The following KRT13 variants were observed in gnomAD, a reference collection of about 807,000 sequenced individuals.
KRT13 encodes keratin, type I cytoskeletal 13.
In KRT13, 27 loss-of-function variants were observed where a neutral mutation model predicts 40.6. That is an observed-to-expected ratio of 0.67 (90% CI 0.49 to 0.92). The LOEUF is 0.92. Among genes scored for constraint, KRT13 ranks in the 40% least tolerant of loss-of-function variants. The pLI is 0.00. For missense variants in KRT13, 605 were observed against 611.5 expected (o/e 0.99, Z 0.11); for synonymous variants, 266 against 240.3 (o/e 1.11, Z -0.99).
At position 41,501,329 on chromosome 17, in the gene KRT13, G is replaced by A. The variant is rs767777473; in HGVS notation, c.1304C>T (p.Thr435Met). 33 of 1,573,692 alleles carry A rather than the reference G, an allele frequency of 2.1e-5. No homozygotes were observed. The African/African-American group carries it at 2.8e-4, about 13-fold the overall frequency. Residue 435 changes from threonine to methionine, a missense_variant, in exon 8 of 8, where the codon ACG (threonine) becomes ATG (methionine). Thr to Met is a moderately conservative substitution (Grantham distance 81). Transcript: ENST00000246635. The stretch of plus-strand genomic sequence containing the variant: ...GGTGGTAACAGAGGCACTAGAAGTC[G>A]TGGTAACAGAGGTGCTACGGGGGCT... ...SVSPRSTSVTTTSSASVTTTS... is the reference protein window; with the variant it reads ...SVSPRSTSVTMTSSASVTTTS...
chr17:41,505,079 TC>T lies in KRT13; in HGVS notation c.471del (p.Thr158ProfsTer10). On this transcript the variant is annotated frameshift_variant, in exon 1 of 8. Transcript: ENST00000246635. LOFTEE classifies it high-confidence loss of function. ...ACCTTGTCCCGGAGCTCTTCAATGG[TC>T]TTGTAGTAGGGGCTGTAGTCCCGCT... ...SPERDYSPYY[K>X]TIEELRDKIL... is the part of the protein sequence containing the mutation. 1 of 1,614,144 alleles carries T rather than the reference TC, an allele frequency of 6.2e-7. No homozygotes were observed. Among genetic ancestry groups the T allele is most frequent in the Non-Finnish European group, 8.5e-7 (1 of 1,180,020 alleles).
intron 6 of KRT13, 113 bp from the exon 7 acceptor site, chr17:41,501,857 T>C: frequency 6.5e-7 from 1 of 1,547,226 alleles, no homozygotes; most frequent in Non-Finnish European, 8.7e-7. Flanking sequence ...GGCTGGACTC[T>C]AGTGCCTCCT....
intron 2 of KRT13, 61 bp downstream of exon 2, chr17:41,503,582 G>T: frequency 6.4e-7 from 1 of 1,561,164 alleles, no homozygotes; most frequent in Non-Finnish European, 8.8e-7. Context: ...GGTCAGATGA[G>T]CTTTTGTCTA....
rs1209142698 is a variant in KRT13 at position 41,502,790 on chromosome 17, ACCT to A, written c.917_919del (p.Glu306del). 6.2e-7 allele frequency: 1 copy of A among 1,613,854 alleles called. No homozygotes were observed. The highest frequency in any genetic ancestry group is 8.5e-7 in the Non-Finnish European group (1 of 1,179,976). On this transcript the variant is annotated inframe_deletion, in exon 5 of 8. Transcript: ENST00000246635. Reference sequence around the variant, plus strand: ...CTGAATCATGGCAGTGTTGGTAGACACCTCCTTGTTCAGCTCTGCACTCTGAAA... The same window carrying A: ...CTGAATCATGGCAGTGTTGGTAGACACCTTGTTCAGCTCTGCACTCTGAAA...
intron 3 of KRT13, 71 bp downstream of exon 3, chr17:41,503,216 A>G (rs1403150358): frequency 6.2e-7 from 1 of 1,606,486 alleles, no homozygotes; most frequent in African/African-American, 1.3e-5. Flanking sequence ...GACTGTGTCC[A>G]GTTGCAGGGG....
At position 41,505,540 on chromosome 17, in the gene KRT13, C is replaced by T. The variant is rs753767170; in HGVS notation, c.11G>A (p.Arg4His). The T allele has an allele frequency of 1.1e-5, 17 of 1,614,122 alleles. No individual in the cohort carries two copies. Among genetic ancestry groups the T allele is most frequent in the Middle Eastern group, 1.6e-4 (1 of 6,084 alleles). MSLRLQSSSASYGG... is the reference protein window; with the variant it reads MSLHLQSSSASYGG... ...ATAGCTGGCAGAGGAGCTCTGCAGG[C>T]GGAGGCTCATGGTGAGAGCAGGATT... The change falls in exon 1 of 8, where the codon CGC becomes CAC. Residue 4 changes from arginine to histidine, a missense_variant. Coordinates refer to ENST00000246635, the MANE Select transcript of KRT13 (RefSeq NM_153490.3).
rs147564962 is a variant in KRT13 at position 41,503,069 on chromosome 17, G to A, written c.765C>T (p.Val255=). The A allele has an allele frequency of 3.3e-4, 534 of 1,614,184 alleles. 1 individual carries two copies. The highest frequency in any genetic ancestry group is 1.6e-3 in the Middle Eastern group (10 of 6,062). Residue 255 remains valine, a synonymous_variant, in exon 4 of 8, where the codon GTC becomes GTT. Coordinates refer to ENST00000246635, the MANE Select transcript of KRT13 (RefSeq NM_153490.3). ...CATCCATCTCCACGTTGACCTGGCC[G>A]ACCACCTGGTTGCTAAATTCCTTCA... The part of the protein sequence containing the change: ...EEMKEFSNQV[V]GQVNVEMDAT...
At position 41,502,744 on chromosome 17, in the gene KRT13, C is replaced by T. The variant is rs761699251; in HGVS notation, c.966G>A (p.Thr322=). 9.3e-6 allele frequency: 15 copies of T among 1,614,192 alleles called. No homozygotes were observed. The South Asian group carries it at 1.3e-4, about 14-fold the overall frequency. The change falls in exon 5 of 8, where the codon ACG becomes ACA. Residue 322 remains threonine (T), a synonymous_variant. Coordinates refer to ENST00000246635, the MANE Select transcript of KRT13 (RefSeq NM_153490.3). ...AMIQTSKTEI[T]ELRRTLQGLE... ...GGCCTTGGAGCGTGCGCCTGAGCTCCGTGATCTCTGTCTTGCTGGTCTGAA... is the reference window on the plus strand; with the variant it reads ...GGCCTTGGAGCGTGCGCCTGAGCTCTGTGATCTCTGTCTTGCTGGTCTGAA...
At chr17:41,502,306 C>T (rs1904877736) in intron 6 of KRT13, 68 bp downstream of exon 6, 1 of 1,612,118 alleles carries the variant, frequency 6.2e-7, no homozygotes, top group Non-Finnish European at 8.5e-7. Context: ...ATCTCTAAGG[C>T]CCTGCCTGCT....
At chr17:41,502,293 T>C in intron 6 of KRT13, 81 bp downstream of exon 6, 1 of 1,611,674 alleles carries the variant, frequency 6.2e-7, no homozygotes, top group Admixed American at 1.7e-5. Flanking sequence ...CATGAGGGGG[T>C]GGATCTCTAA....
chr17:41,501,433 G>C, intron 7 of KRT13, 71 bp from the exon 8 acceptor site: 2 of 1,292,506 alleles, frequency 1.5e-6, no homozygotes, highest in Non-Finnish European at 2.2e-6. Flanking sequence ...GGCCCCCCTG[G>C]AGGGCTCACA....
rs755226206 is a variant in KRT13, at chr17:41,502,677, G to T, written c.1023+10C>A. On this transcript the variant is annotated intron_variant, in intron 5 of 7. Coordinates refer to ENST00000246635, the MANE Select transcript of KRT13 (RefSeq NM_153490.3). ...GGTGGTCGCCACCGGGCAGGAGGCT[G>T]CAGGCATACCATGCTCAGCTGGGAC... 99 of 1,613,660 alleles carry T rather than the reference G, an allele frequency of 6.1e-5. No homozygotes were observed. Among genetic ancestry groups the T allele is most frequent in the Non-Finnish European group, 8.2e-5 (97 of 1,180,050 alleles).
At position 41,505,322 on chromosome 17, in the gene KRT13, GGCCACCTCCATA is replaced by G. The variant is rs751153742; in HGVS notation, c.217_228del (p.Tyr73_Gly76del). 87 of 1,613,378 alleles carry G rather than the reference GGCCACCTCCATA, an allele frequency of 5.4e-5. No homozygotes were observed. In the Admixed American group the frequency reaches 1.1e-3, roughly 20 times the overall value. ...AAACCCCCACCAAAGCCACCTCCAA[GGCCACCTCCATA>G]GCCACCTCCAAGGCCACCTCCATAG... On this transcript the variant is annotated inframe_deletion, in exon 1 of 8. Transcript: ENST00000246635.
chr17:41,502,759 G>A lies in KRT13; in HGVS notation c.951C>T (p.Ser317=). 6.2e-7 allele frequency: 1 copy of A among 1,614,192 alleles called. No individual in the cohort carries two copies. The change falls in exon 5 of 8, where the codon AGC becomes AGT. Residue 317 remains serine, a synonymous_variant. Transcript: ENST00000246635. ...GCCTGAGCTCCGTGATCTCTGTCTT[G>A]CTGGTCTGAATCATGGCAGTGTTGG... ...VSTNTAMIQT[S]KTEITELRRT...
At position 41,501,312 on chromosome 17, in the gene KRT13, CAG is replaced by C. The variant is rs1271447066; in HGVS notation, c.1319_1320del (p.Ser440CysfsTer6). On this transcript the variant is annotated frameshift_variant, in exon 8 of 8. Coordinates refer to ENST00000246635, the MANE Select transcript of KRT13 (RefSeq NM_153490.3). LOFTEE classifies it low-confidence loss of function (END_TRUNC). ...CCAGAGGCATTAGAGGTGGTGGTAACAGAGGCACTAGAAGTCGTGGTAACAGA... is the reference window on the plus strand; with the variant it reads ...CCAGAGGCATTAGAGGTGGTGGTAACAGGCACTAGAAGTCGTGGTAACAGA... ...STSVTTTSSA[S>X]VTTTSNASGR... 2.5e-6 allele frequency: 4 copies of C among 1,576,922 alleles called. No homozygotes were observed. Among genetic ancestry groups the C allele is most frequent in the Non-Finnish European group, 2.6e-6 (3 of 1,161,384 alleles).
intron 6 of KRT13, 73 bp from the exon 7 acceptor site, chr17:41,501,817 A>G (rs1904862906): frequency 2.6e-6 from 4 of 1,556,808 alleles, no homozygotes; most frequent in Non-Finnish European, 3.5e-6. Flanking sequence ...CCTCTGGGGA[A>G]GTGCCTCGGC....
rs1905021620 is a variant in KRT13, at chr17:41,505,249, GT to G, written c.301del (p.Thr101LeufsTer34). 16 of 1,614,148 alleles carry G rather than the reference GT, an allele frequency of 9.9e-6. No individual in the cohort carries two copies. The highest frequency in any genetic ancestry group is 1.3e-5 in the Non-Finnish European group (15 of 1,180,034). On this transcript the variant is annotated frameshift_variant, in exon 1 of 8. Transcript: ENST00000246635. LOFTEE classifies it high-confidence loss of function. ...CTGCATGGTGATCTTCTCATTGCCA[GT>G]GAGGAGGCCGCCATCACAAGCACCA... is the stretch of plus-strand genomic sequence containing the variant. ...DFGACDGGLL[T>X]GNEKITMQNL...
At chr17:41,502,169 T>C in intron 6 of KRT13, 3 of 1,473,698 alleles carry the variant, frequency 2.0e-6, no homozygotes, top group Non-Finnish European at 2.7e-6. Context: ...CCATGGTCTC[T>C]GTTCCCTCCA....
At chr17:41,502,065 C>T in intron 6 of KRT13, 1 of 985,436 alleles carries the variant, frequency 1.0e-6, no homozygotes, top group Non-Finnish European at 1.2e-6. Context: ...TTGATTTCTG[C>T]AAAGGGTCTA....
Sources: gnomAD v4.1 joint callset for allele counts on GRCh38, gnomAD v4.1.1 for gene constraint, MANE v1.5 for transcripts, NCBI Gene and HGNC (gene_info 2026-07-23, HGNC 2026-07-21) for gene names.